The following SH3BGR variants were observed in gnomAD, a reference collection of about 807,000 sequenced individuals.
The protein encoded by SH3BGR is SH3 domain binding glutamate rich protein, also known as SH3 domain-binding glutamic acid-rich protein.
A neutral mutation model predicts 24.5 loss-of-function variants in SH3BGR; 29 were observed. That is an observed-to-expected ratio of 1.18 (90% CI 0.88 to 1.61). The LOEUF is 1.61. Ranked by LOEUF, SH3BGR falls within the 40% of genes most tolerant of loss-of-function variation. The probability of loss-of-function intolerance (pLI) is 0.00; values close to 1 mark genes in which losing one functional copy is unlikely to be tolerated. For synonymous variants in SH3BGR, 55 were observed against 65.7 expected, an observed-to-expected ratio of 0.84 and a Z score of 0.79; for missense variants, 162 against 205.8, an observed-to-expected ratio of 0.79 and a Z score of 1.30.
chr21:39,488,339 T>G (rs1020015362), intron 3 of SH3BGR: 1 of 219,398 alleles, frequency 4.6e-6, no homozygotes, highest in South Asian at 8.2e-5. Flanking sequence ...GTAACTTCAT[T>G]GAGAACCAGA....
At chr21:39,473,153 T>A (rs188419750) in intron 2 of SH3BGR, among the ~76,000 whole-genome samples, 334 of 152,332 alleles carry the variant, frequency 2.2e-3, no homozygotes, top group African/African-American at 7.8e-3. Flanking sequence ...AAGATAATGA[T>A]GAATTGTTCT....
chr21:39,495,541 A>G (rs1484158810), intron 3 of SH3BGR, among the ~76,000 whole-genome samples: 2 of 151,242 alleles, frequency 1.3e-5, no homozygotes, highest in Non-Finnish European at 2.9e-5. Context: ...GTGCAGTGGC[A>G]TAATCATGGC....
intron 3 of SH3BGR, among the ~76,000 whole-genome samples, chr21:39,479,256 GTGATGGTAGTGCTGGTGGTGATAGTGA>G (rs1315051759): frequency 4.7e-5 from 7 of 147,740 alleles, no homozygotes; most frequent in African/African-American, 1.8e-4. Flanking sequence ...GGTGGTGGTG[GTGATGGTAGTGCTGGTGGTGATAGTGA>G]TGGTGGTAGT....
chr21:39,513,516 A>G (rs1422849950), intron 6 of SH3BGR, among the ~76,000 whole-genome samples: 2 of 151,030 alleles, frequency 1.3e-5, no homozygotes, highest in African/African-American at 5.0e-5. Flanking sequence ...TTGTTATTGG[A>G]CCATAAAGGT....
At chr21:39,504,190 T>G (rs1167900160) in intron 4 of SH3BGR, among the ~76,000 whole-genome samples, 1 of 152,198 alleles carries the variant, frequency 6.6e-6, no homozygotes, top group African/African-American at 2.4e-5. Context: ...ATAACATGAT[T>G]ATGGTCTGTA....
chr21:39,510,363 C>T (rs2078657526), intron 5 of SH3BGR, among the ~76,000 whole-genome samples: 1 of 109,956 alleles, frequency 9.1e-6, no homozygotes, highest in Admixed American at 1.1e-4. Flanking sequence ...ACTGTAGCTA[C>T]ATACACACAC....
intron 3 of SH3BGR, among the ~76,000 whole-genome samples, chr21:39,479,334 AGGT>A (rs1283413576): frequency 3.7e-5 from 5 of 136,680 alleles, no homozygotes; most frequent in Non-Finnish European, 3.1e-5. Context: ...GGAGTGGTAG[AGGT>A]GGTGATTGTG....
rs145124795 is a variant in SH3BGR, at chr21:39,479,724, G to A, written c.312+4509G>A. Among the ~76,000 whole-genome samples the A allele has an allele frequency of 6.3e-4, 96 of 152,234 alleles. 1 individual carries two copies. Among genetic ancestry groups the A allele is most frequent in the Middle Eastern group, 6.8e-3 (2 of 294 alleles). ...ATTTAGAAGGGGACAGTCACTTGCC[G>A]TCCAGGGATGAGGAGGGAAACTAAA... On this transcript the variant is annotated intron_variant, in intron 3 of 6. Coordinates refer to ENST00000333634, the MANE Select transcript of SH3BGR (RefSeq NM_007341.3).
At chr21:39,498,528 A>G (rs1204346513) in intron 3 of SH3BGR, among the ~76,000 whole-genome samples, 1 of 152,224 alleles carries the variant, frequency 6.6e-6, no homozygotes, top group African/African-American at 2.4e-5. Flanking sequence ...AGAGAAATAT[A>G]GTTTGAATAG....
chr21:39,459,200 C>T (rs1171174873), intron 1 of SH3BGR, among the ~76,000 whole-genome samples: 1 of 150,186 alleles, frequency 6.7e-6, no homozygotes, highest in Non-Finnish European at 1.5e-5. Flanking sequence ...CCCTACCTAC[C>T]TTCCTTCCTT....
chr21:39,464,922 C>T (rs1299446022), intron 2 of SH3BGR, among the ~76,000 whole-genome samples: 1 of 151,986 alleles, frequency 6.6e-6, no homozygotes, highest in African/African-American at 2.4e-5. Flanking sequence ...TATATGCCCA[C>T]TGAAAAATTA....
intron 6 of SH3BGR, among the ~76,000 whole-genome samples, chr21:39,514,767 A>G (rs1288081239): frequency 6.6e-6 from 1 of 152,226 alleles, no homozygotes; most frequent in Non-Finnish European, 1.5e-5. Context: ...TGGTGTAGCC[A>G]TGAACCATTT....
At chr21:39,458,318 T>G (rs913406656) in intron 1 of SH3BGR, among the ~76,000 whole-genome samples, 3 of 152,004 alleles carry the variant, frequency 2.0e-5, no homozygotes, top group African/African-American at 7.2e-5. Flanking sequence ...TTTTTAAAGT[T>G]TATTTATTTA....
At chr21:39,447,243 G>A (rs80013255), upstream of SH3BGR, among the ~76,000 whole-genome samples, 275 of 152,154 alleles carry the variant, frequency 1.8e-3, 3 homozygotes, top group African/African-American at 6.0e-3. Context: ...AGTAACGAGA[G>A]CGGAGTTTTG....
At chr21:39,446,111 G>A (rs921567015) in intron 1 of SH3BGR, 6 of 151,666 alleles carry the variant, frequency 4.0e-5, no homozygotes, top group African/African-American at 1.5e-4. Context: ...GGGTGTAGAC[G>A]CCTGGTCAAT....
chr21:39,451,718 C>A, upstream of SH3BGR: 1 of 721,062 alleles, frequency 1.4e-6, no homozygotes, highest in South Asian at 1.9e-5. Context: ...CGGGGCCCCA[C>A]CTCCCTTGGC....
At chr21:39,464,597 A>C (rs1254522052) in intron 2 of SH3BGR, among the ~76,000 whole-genome samples, 3 of 152,252 alleles carry the variant, frequency 2.0e-5, no homozygotes. Context: ...GCAGAGGGCT[A>C]TACAAACTTA....
intron 1 of SH3BGR, among the ~76,000 whole-genome samples, chr21:39,458,064 G>A (rs1001906160): frequency 2.0e-5 from 3 of 152,180 alleles, no homozygotes; most frequent in Non-Finnish European, 4.4e-5. Context: ...TCTAAGAAAG[G>A]AGTTGAGTTT....
At position 39,496,506 on chromosome 21, in the gene SH3BGR, CAAAA is replaced by C. The variant is rs56909090; in HGVS notation, c.313-3297_313-3294del. Among the ~76,000 whole-genome samples the C allele has an allele frequency of 2.2e-3, 227 of 103,004 alleles. 2 individuals are homozygous for C. The highest frequency in any genetic ancestry group is 0.014 in the East Asian group (49 of 3,586). The allele number at this position is 103,004 out of a possible 152,430, so 67.6% of individuals were successfully genotyped here. ...TGGGCGACAGAGCGAGACTCCGTCT[CAAAA>C]AAAAAAAAAAAAAAAAAAATTATCT... On this transcript the variant is annotated intron_variant, in intron 3 of 6. Transcript: ENST00000333634.
Sources: allele counts gnomAD v4.1 joint callset (sites outside exome capture counted in the v4.1 genomes callset), GRCh38; gene constraint gnomAD v4.1.1; transcripts MANE v1.5; gene names NCBI Gene and HGNC (gene_info 2026-07-23, HGNC 2026-07-21).